The following CSMD3 variants were observed in gnomAD, a reference collection of about 807,000 sequenced individuals.
The protein encoded by CSMD3 is CUB and Sushi multiple domains 3.
CSMD3 carries 177 observed loss-of-function variants against 435.2 expected under a neutral mutation model. The observed-to-expected ratio is 0.41, with a 90% CI of 0.36 to 0.46. CSMD3 has a LOEUF of 0.46. Ranked by LOEUF, CSMD3 falls within the 20% of genes least tolerant of loss-of-function variation. The probability of loss-of-function intolerance (pLI) is 0.34; values close to 1 mark genes in which losing one functional copy is unlikely to be tolerated. For synonymous variants in CSMD3, 1,656 were observed against 1,520.5 expected (o/e 1.09, Z -2.07); for missense variants, 4,265 against 4,504.6 (o/e 0.95, Z 1.52).
At chr8:112,270,054 C>T (rs1381691164) in intron 59 of CSMD3, among the ~76,000 whole-genome samples, 8 of 152,066 alleles carry the variant, frequency 5.3e-5, no homozygotes, top group Non-Finnish European at 1.0e-4. Flanking sequence ...AAAGATTTTG[C>T]TTATGAGGCA....
At chr8:113,111,197 G>T (rs567515839) in intron 4 of CSMD3, among the ~76,000 whole-genome samples, 11 of 152,114 alleles carry the variant, frequency 7.2e-5, no homozygotes, top group South Asian at 2.1e-4. Flanking sequence ...AGTTTTCAAA[G>T]AATTTTTAAA....
chr8:113,127,538 C>T (rs1396514087), intron 4 of CSMD3, among the ~76,000 whole-genome samples: 1 of 151,912 alleles, frequency 6.6e-6, no homozygotes, highest in Non-Finnish European at 1.5e-5. Context: ...CCTAAGTCAC[C>T]AGCAAGTCCT....
chr8:112,292,429 T>C, intron 55 of CSMD3, 108 bp downstream of exon 55: 1 of 1,042,224 alleles, frequency 9.6e-7, no homozygotes, highest in Non-Finnish European at 1.5e-6. Flanking sequence ...TTTGTTTTAT[T>C]AGATAAAAAC....
chr8:113,027,963 G>T (rs1682285293), intron 5 of CSMD3, among the ~76,000 whole-genome samples: 1 of 152,042 alleles, frequency 6.6e-6, no homozygotes, highest in Admixed American at 6.5e-5. Flanking sequence ...TGCACAGTTT[G>T]CATAGAATTA....
In CSMD3 at chr8:112,248,009, G is replaced by A. The variant is rs1814912406; in HGVS notation, c.10111-878C>T. 2.6e-5 allele frequency among the ~76,000 whole-genome samples: 4 copies of A among 152,080 alleles called. No homozygotes were observed. The South Asian group carries it at 8.3e-4, about 31-fold the overall frequency. ...TACAAAGTGAGCAGGGTAGGTAGAG[G>A]TTTGGGATAAGTGGGAAGCAGGGGT... is the stretch of plus-strand genomic sequence containing the variant. On this transcript the variant is annotated intron_variant, in intron 63 of 70. Transcript: ENST00000297405.
intron 3 of CSMD3, among the ~76,000 whole-genome samples, chr8:113,237,819 G>A (rs776839750): frequency 6.6e-6 from 1 of 152,150 alleles, no homozygotes; most frequent in Non-Finnish European, 1.5e-5. Flanking sequence ...GCTCATGCCT[G>A]TAATCCCAGC....
chr8:112,416,898 G>A (rs914727032), intron 32 of CSMD3, among the ~76,000 whole-genome samples: 4 of 144,160 alleles, frequency 2.8e-5, no homozygotes, highest in African/African-American at 4.9e-5. Flanking sequence ...ATTAAAATAC[G>A]TAAGAGGTTG....
intron 13 of CSMD3, among the ~76,000 whole-genome samples, chr8:112,750,656 C>T (rs981758460): frequency 2.0e-5 from 3 of 151,930 alleles, no homozygotes; most frequent in Admixed American, 6.6e-5. Flanking sequence ...GTAAAAAGGC[C>T]AGTTTGGCTG....
At chr8:112,372,457 T>G (rs1322246317) in intron 38 of CSMD3, among the ~76,000 whole-genome samples, 1 of 152,182 alleles carries the variant, frequency 6.6e-6, no homozygotes, top group African/African-American at 2.4e-5. Flanking sequence ...TTATCTGATA[T>G]AATTGATAGT....
At chr8:113,156,542 T>C (rs57236500) in intron 4 of CSMD3, among the ~76,000 whole-genome samples, 14,594 of 151,856 alleles carry the variant, frequency 0.096, 908 homozygotes, top group Middle Eastern at 0.17. Context: ...ACTCTTTCTC[T>C]TTTTATTACT....
At chr8:112,537,768 G>A (rs1586632485) in intron 27 of CSMD3, among the ~76,000 whole-genome samples, 2 of 150,936 alleles carry the variant, frequency 1.3e-5, no homozygotes, top group Non-Finnish European at 3.0e-5. Flanking sequence ...ACTCAGGAAC[G>A]AATGGATTCA....
At chr8:113,275,095 A>G (rs186781459) in intron 3 of CSMD3, among the ~76,000 whole-genome samples, 73 of 152,234 alleles carry the variant, frequency 4.8e-4, no homozygotes, top group Non-Finnish European at 2.1e-4. Flanking sequence ...TACTATCAAT[A>G]TTGTAATTCA....
chr8:113,118,545 C>A (rs2090901180), intron 4 of CSMD3, among the ~76,000 whole-genome samples: 1 of 151,998 alleles, frequency 6.6e-6, no homozygotes, highest in Admixed American at 6.6e-5. Context: ...ATCTGTAATC[C>A]CAAAACTTTG....
At chr8:112,429,804 G>A (rs2130380061) in intron 32 of CSMD3, among the ~76,000 whole-genome samples, 1 of 152,024 alleles carries the variant, frequency 6.6e-6, no homozygotes, top group Non-Finnish European at 1.5e-5. Context: ...ATGAAAGTGT[G>A]TAACCTCTGC....
At chr8:112,824,901 T>C (rs1285868076) in intron 12 of CSMD3, among the ~76,000 whole-genome samples, 1 of 152,232 alleles carries the variant, frequency 6.6e-6, no homozygotes, top group Non-Finnish European at 1.5e-5. Context: ...AAGGGTGTTT[T>C]CCAACTTGGT....
chr8:112,594,184 G>T (rs1370932314), intron 22 of CSMD3, among the ~76,000 whole-genome samples: 5 of 152,172 alleles, frequency 3.3e-5, no homozygotes, highest in African/African-American at 1.2e-4. Context: ...GCCGAAGCAG[G>T]GCGAGGCATT....
chr8:113,015,894 A>G (rs2086438672), intron 6 of CSMD3, among the ~76,000 whole-genome samples: 1 of 151,854 alleles, frequency 6.6e-6, no homozygotes, highest in African/African-American at 2.4e-5. Flanking sequence ...AAGTAAGAGG[A>G]CTTCCAAACA....
chr8:113,294,307 GTTA>G lies in CSMD3; in HGVS notation c.402-15606_402-15604del, dbSNP rs2093704678. Among the ~76,000 whole-genome samples the G allele has an allele frequency of 3.9e-5, 6 of 152,014 alleles. No individual in the cohort carries two copies. The South Asian group carries it at 1.2e-3, about 31-fold the overall frequency. On this transcript the variant is annotated intron_variant, in intron 2 of 70. Transcript: ENST00000297405. Reference sequence around the variant, plus strand: ...AATGAAATAATGTTAAATGCTACCAGTTATTAAGTTTCTACTATGAATCAAACA... The same window carrying G: ...AATGAAATAATGTTAAATGCTACCAGTTAAGTTTCTACTATGAATCAAACA...
chr8:113,017,383 C>T (rs2086504604), intron 6 of CSMD3, among the ~76,000 whole-genome samples: 1 of 151,874 alleles, frequency 6.6e-6, no homozygotes, highest in South Asian at 2.1e-4. Context: ...GGTACCAGCT[C>T]CATGAAATCA....
Sources: gnomAD v4.1 joint callset for allele counts (sites outside exome capture counted in the v4.1 genomes callset) on GRCh38, gnomAD v4.1.1 for gene constraint, MANE v1.5 for transcripts, NCBI Gene and HGNC (gene_info 2026-07-23, HGNC 2026-07-21) for gene names.